The following COTL1 variants were observed in gnomAD, a reference collection of about 807,000 sequenced individuals.
The protein encoded by COTL1 is coactosin-like protein.
Under a neutral mutation model 16.5 loss-of-function variants are expected in COTL1, and 15 were observed. That is an observed-to-expected ratio of 0.91 (90% CI 0.61 to 1.40). COTL1 has a LOEUF of 1.40. Among genes scored for constraint, COTL1 ranks in the 40% most tolerant of loss-of-function variants. The pLI is 0.00. For synonymous variants in COTL1, 112 were observed against 85.3 expected, an observed-to-expected ratio of 1.31 and a Z score of -1.73; for missense variants, 220 against 201.5, an observed-to-expected ratio of 1.09 and a Z score of -0.56.
chr16:84,569,231 GA>G (rs1228434249), intron 3 of COTL1: 1 of 152,298 alleles, frequency 6.6e-6, no homozygotes, highest in Non-Finnish European at 1.5e-5. Context: ...TGAGGCAGGA[GA>G]ATCGCTTGAA....
intron 2 of COTL1, among the ~76,000 whole-genome samples, chr16:84,605,897 G>A (rs1248605650): frequency 2.6e-5 from 4 of 152,214 alleles, no homozygotes; most frequent in Non-Finnish European, 5.9e-5. Context: ...CCTGGCTAAT[G>A]CCTGGCCTAA....
intron 3 of COTL1, among the ~76,000 whole-genome samples, chr16:84,588,915 G>C (rs931046597): frequency 2.6e-5 from 4 of 152,082 alleles, no homozygotes; most frequent in Non-Finnish European, 5.9e-5. Context: ...ACCTCAAAAA[G>C]AAACCCTGTG....
At chr16:84,616,531 A>ATAAATAAATAAATAAATAAG (rs1567542537) in intron 2 of COTL1, 3 of 151,802 alleles carry the variant, frequency 2.0e-5, no homozygotes, top group African/African-American at 7.3e-5. Flanking sequence ...AAATAAATAA[A>ATAAATAAATAAATAAATAAG]TAAGTAACCC....
At chr16:84,614,020 C>T (rs368007672) in intron 2 of COTL1, among the ~76,000 whole-genome samples, 2 of 152,134 alleles carry the variant, frequency 1.3e-5, no homozygotes, top group Non-Finnish European at 2.9e-5. Context: ...CCCCCCTCCC[C>T]GCAAGAATGG....
At chr16:84,609,244 T>G (rs984859810) in intron 2 of COTL1, among the ~76,000 whole-genome samples, 2 of 152,228 alleles carry the variant, frequency 1.3e-5, no homozygotes, top group African/African-American at 2.4e-5. Flanking sequence ...GCAAGTGAAT[T>G]TGACTCCTTC....
intron 3 of COTL1, among the ~76,000 whole-genome samples, chr16:84,580,294 A>G (rs1175932031): frequency 2.6e-5 from 4 of 152,152 alleles, no homozygotes; most frequent in Admixed American, 2.6e-4. Context: ...TCTGTCGCCC[A>G]CACTGGAGTG....
intron 3 of COTL1, among the ~76,000 whole-genome samples, chr16:84,589,643 T>G (rs1904812670): frequency 6.6e-6 from 1 of 152,182 alleles, no homozygotes; most frequent in African/African-American, 2.4e-5. Flanking sequence ...TGGAAGTTTC[T>G]GACATTGCAA....
intron 2 of COTL1, among the ~76,000 whole-genome samples, chr16:84,610,925 C>A (rs913860321): frequency 1.3e-5 from 2 of 152,178 alleles, no homozygotes; most frequent in African/African-American, 4.8e-5. Context: ...CACCCCACAT[C>A]TCAAATTTAT....
At position 84,590,898 on chromosome 16, in the gene COTL1, C is replaced by T. The variant is rs1264746262; in HGVS notation, c.161-636G>A. 3.9e-5 allele frequency among the ~76,000 whole-genome samples: 6 copies of T among 152,160 alleles called. No homozygotes were observed. The highest frequency in any genetic ancestry group is 1.9e-4 in the East Asian group (1 of 5,180). On this transcript the variant is annotated intron_variant, in intron 2 of 3. Transcript: ENST00000262428. This position sits in a 1 kb window ranked among gnomAD's most constrained non-coding sequence, Gnocchi z 5.5. ...AAAGAAAATGGCTCTTAATTTGGCC[C>T]GGGATATGGCTCCGAGGATATTTCA... is the stretch of plus-strand genomic sequence containing the variant.
Position 84,603,753 on chromosome 16 carries a change from G to C in COTL1, c.161-13491C>G, listed in dbSNP as rs186347306. On this transcript the variant is annotated intron_variant, in intron 2 of 3. Coordinates refer to ENST00000262428, the MANE Select transcript of COTL1 (RefSeq NM_021149.5). Reference sequence around the variant, plus strand: ...AGGGCCTGTGGGGTTGGCGCATCATGCCTGGGGACCCAGAAGAAGTGGCAG... The same window carrying C: ...AGGGCCTGTGGGGTTGGCGCATCATCCCTGGGGACCCAGAAGAAGTGGCAG... Among the ~76,000 whole-genome samples the C allele has an allele frequency of 5.2e-3, 785 of 152,186 alleles. 8 individuals are homozygous for C. Among genetic ancestry groups the C allele is most frequent in the African/African-American group, 0.018 (730 of 41,500 alleles).
At chr16:84,598,783 G>A (rs143178254) in intron 2 of COTL1, among the ~76,000 whole-genome samples, 5,566 of 146,554 alleles carry the variant, frequency 0.038, 199 homozygotes, top group African/African-American at 0.094. Flanking sequence ...GAGACCAAGC[G>A]GGAGAACCAA....
chr16:84,569,816 G>A (rs1479733038), intron 3 of COTL1, among the ~76,000 whole-genome samples: 1 of 152,226 alleles, frequency 6.6e-6, no homozygotes, highest in Non-Finnish European at 1.5e-5. Context: ...CCCACGGCAT[G>A]AGGGAGGGGC....
At chr16:84,577,692 T>C (rs1015821008) in intron 3 of COTL1, among the ~76,000 whole-genome samples, 1 of 152,162 alleles carries the variant, frequency 6.6e-6, no homozygotes, top group Non-Finnish European at 1.5e-5. Flanking sequence ...GACCCTGCTG[T>C]ACTTGAGGAA....
intron 2 of COTL1, among the ~76,000 whole-genome samples, chr16:84,600,103 C>T (rs972160394): frequency 7.2e-5 from 11 of 152,256 alleles, no homozygotes; most frequent in African/African-American, 2.6e-4. Flanking sequence ...ACTAAGAGGC[C>T]TGATATCACT....
intron 2 of COTL1, among the ~76,000 whole-genome samples, chr16:84,599,687 G>A (rs1014361278): frequency 5.9e-5 from 9 of 152,180 alleles, no homozygotes; most frequent in South Asian, 2.1e-4. Flanking sequence ...CCCAGAGAGC[G>A]GCAAGATTGC....
intron 2 of COTL1, among the ~76,000 whole-genome samples, chr16:84,610,207 C>T (rs1905292222): frequency 6.6e-6 from 1 of 152,250 alleles, no homozygotes; most frequent in Non-Finnish European, 1.5e-5. Flanking sequence ...TCCTCTGAGA[C>T]TGTGTCCAGC....
chr16:84,589,755 C>T (rs776158741), intron 3 of COTL1, among the ~76,000 whole-genome samples: 4 of 152,178 alleles, frequency 2.6e-5, no homozygotes, highest in African/African-American at 7.2e-5. Context: ...CGACCACCGC[C>T]GACAGTCAGC....
intron 2 of COTL1, among the ~76,000 whole-genome samples, chr16:84,591,858 A>C (rs1344801789): frequency 8.8e-6 from 1 of 114,010 alleles, no homozygotes; most frequent in African/African-American, 3.8e-5. Context: ...AAAATAAAAT[A>C]AAATAAAATA....
At chr16:84,589,855 G>A (rs577063754) in intron 3 of COTL1, among the ~76,000 whole-genome samples, 50 of 152,218 alleles carry the variant, frequency 3.3e-4, no homozygotes, top group African/African-American at 1.2e-3. Context: ...CACGGAGGCA[G>A]GCACCCAGCT....
Sources: allele counts gnomAD v4.1 joint callset (sites outside exome capture counted in the v4.1 genomes callset), GRCh38; gene constraint gnomAD v4.1.1; non-coding constraint Gnocchi (gnomAD v3.1); transcripts MANE v1.5; gene names NCBI Gene and HGNC (gene_info 2026-07-23, HGNC 2026-07-21).